The following NKIRAS1 variants were observed in gnomAD, a reference collection of about 807,000 sequenced individuals.
The protein encoded by NKIRAS1 is NFKB inhibitor interacting Ras like 1.
A neutral mutation model predicts 19.8 loss-of-function variants in NKIRAS1; 16 were observed. That is an observed-to-expected ratio of 0.81 (90% CI 0.55 to 1.23). NKIRAS1 has a LOEUF of 1.23. Ranked by LOEUF, NKIRAS1 falls within the 50% of genes most tolerant of loss-of-function variation. The pLI, the probability that NKIRAS1 is intolerant of heterozygous loss-of-function variation, is 0.00. For missense variants in NKIRAS1, 184 were observed against 220.0 expected (o/e 0.84, Z 1.04); for synonymous variants, 88 against 79.0 (o/e 1.11, Z -0.61).
chr3:23,921,671 T>C, upstream of NKIRAS1: 1 of 663,466 alleles, frequency 1.5e-6, no homozygotes, highest in Non-Finnish European at 2.7e-6. Context: ...GTCTCCCGGG[T>C]TTGAGCAATT....
upstream of NKIRAS1, chr3:23,918,815 A>C (rs1011689386): frequency 1.4e-5 from 8 of 565,396 alleles, no homozygotes; most frequent in Middle Eastern, 4.6e-4. Flanking sequence ...GAATATGCAG[A>C]AGAGACCAAA....
At chr3:23,900,661 AAAG>A in intron 4 of NKIRAS1, 144 bp downstream of exon 4, 2 of 632,572 alleles carry the variant, frequency 3.2e-6, no homozygotes, top group Non-Finnish European at 5.2e-6. Flanking sequence ...AAAAAAAGAA[AAAG>A]AAAAAGAAAA....
At chr3:23,920,300 TAGTCC>T, upstream of NKIRAS1, 1 of 985,844 alleles carries the variant, frequency 1.0e-6, no homozygotes, top group Non-Finnish European at 1.2e-6. Context: ...ACGTCATTCT[TAGTCC>T]AGTCAGTCTT....
upstream of NKIRAS1, chr3:23,918,954 T>A (rs1208101470): frequency 7.2e-6 from 4 of 558,734 alleles, no homozygotes; most frequent in African/African-American, 5.6e-5. Flanking sequence ...AACATATTCC[T>A]GCCCTAGTCA....
At chr3:23,946,062 C>G in intron 1 of NKIRAS1, 1 of 973,018 alleles carries the variant, frequency 1.0e-6, no homozygotes, top group Non-Finnish European at 1.2e-6. Context: ...GGGAGCGCCG[C>G]AGCCTCCCGG....
At chr3:23,928,071 ACACT>A (rs1705238777) in intron 1 of NKIRAS1, among the ~76,000 whole-genome samples, 2 of 147,560 alleles carry the variant, frequency 1.4e-5, no homozygotes, top group South Asian at 4.3e-4. Context: ...AAAACAAGAC[ACACT>A]CTCTCTCCTC....
intron 1 of NKIRAS1, among the ~76,000 whole-genome samples, chr3:23,942,297 T>C (rs1271014484): frequency 6.6e-6 from 1 of 152,030 alleles, no homozygotes; most frequent in Non-Finnish European, 1.5e-5. Flanking sequence ...TACTGTGAAC[T>C]TCAGAGTTCC....
At chr3:23,907,191 G>A (rs1703153714) in intron 3 of NKIRAS1, among the ~76,000 whole-genome samples, 1 of 152,156 alleles carries the variant, frequency 6.6e-6, no homozygotes, top group Non-Finnish European at 1.5e-5. Context: ...ACCACACCCG[G>A]CTTCTTCCTT....
At chr3:23,923,602 G>A (rs1289929528) in intron 1 of NKIRAS1, 2 of 152,118 alleles carry the variant, frequency 1.3e-5, no homozygotes, top group East Asian at 3.9e-4. Flanking sequence ...CCTCCTGATG[G>A]ACATTTAAAT....
chr3:23,897,651 T>C (rs1404506431), intron 4 of NKIRAS1, among the ~76,000 whole-genome samples: 1 of 152,180 alleles, frequency 6.6e-6, no homozygotes, highest in Non-Finnish European at 1.5e-5. Flanking sequence ...GTACTAGCTA[T>C]TCCCTCCACC....
At chr3:23,938,535 T>C (rs1705438245) in intron 1 of NKIRAS1, among the ~76,000 whole-genome samples, 2 of 152,148 alleles carry the variant, frequency 1.3e-5, no homozygotes, top group Non-Finnish European at 2.9e-5. Context: ...AACAAAGTAA[T>C]GTGGTCCTTG....
At chr3:23,931,608 C>A (rs773231100) in intron 1 of NKIRAS1, among the ~76,000 whole-genome samples, 2 of 152,124 alleles carry the variant, frequency 1.3e-5, no homozygotes, top group Non-Finnish European at 2.9e-5. Context: ...CACCTTCCCA[C>A]CCCCAGAGGT....
chr3:23,894,236 T>G (rs538729022), intron 4 of NKIRAS1, among the ~76,000 whole-genome samples: 50 of 152,292 alleles, frequency 3.3e-4, no homozygotes, highest in Admixed American at 3.1e-3. Flanking sequence ...GATTTTCAGA[T>G]AGTGCCCGTA....
At chr3:23,910,502 T>C (rs1164435553) in intron 3 of NKIRAS1, among the ~76,000 whole-genome samples, 4 of 152,222 alleles carry the variant, frequency 2.6e-5, no homozygotes, top group African/African-American at 7.2e-5. Context: ...TGTAATGTAA[T>C]GAATTTACAC....
At position 23,891,901 on chromosome 3, in the gene NKIRAS1, G is replaced by A. The variant is rs1701496641; in HGVS notation, c.*1194C>T. ...AATATTCAATAACCGGGGGAAAAGG[G>A]TAAGGGGGTGAGTTAGTGTCTGGTA... On this transcript the variant is annotated 3_prime_UTR_variant, in exon 5 of 5. Transcript: ENST00000425478. The A allele has an allele frequency of 6.6e-6, 1 of 152,092 alleles. No individual in the cohort carries two copies. The highest frequency in any genetic ancestry group is 2.4e-5 in the African/African-American group (1 of 41,408). The allele number at this position is 152,092 out of a possible 1,614,324, so 9.4% of individuals were successfully genotyped here.
upstream of NKIRAS1, chr3:23,920,742 G>T (rs1020822083): frequency 5.4e-5 from 53 of 978,630 alleles, no homozygotes; most frequent in Admixed American, 1.2e-4. Context: ...AAAAGTTCTT[G>T]AGACCTAAAT....
chr3:23,944,679 GAA>G (rs1705581220), intron 1 of NKIRAS1, among the ~76,000 whole-genome samples: 1 of 152,188 alleles, frequency 6.6e-6, no homozygotes, highest in African/African-American at 2.4e-5. Flanking sequence ...CTGGAGATTA[GAA>G]GAGAGGTCTT....
intron 1 of NKIRAS1, among the ~76,000 whole-genome samples, chr3:23,933,782 G>A (rs1260336367): frequency 6.6e-6 from 1 of 152,144 alleles, no homozygotes; most frequent in African/African-American, 2.4e-5. Context: ...TAGGCTGGGT[G>A]GCTTAAAGAA....
chr3:23,893,930 G>C (rs1416169547), intron 4 of NKIRAS1, among the ~76,000 whole-genome samples: 5 of 148,832 alleles, frequency 3.4e-5, no homozygotes, highest in Non-Finnish European at 5.9e-5. Context: ...TGGTTTCAAT[G>C]AGTCTGCATT....
Sources: allele counts gnomAD v4.1 joint callset (sites outside exome capture counted in the v4.1 genomes callset), GRCh38; gene constraint gnomAD v4.1.1; transcripts MANE v1.5; gene names NCBI Gene and HGNC (gene_info 2026-07-23, HGNC 2026-07-21).